KASH5: variants seen among roughly 807,000 people sequenced by gnomAD.
KASH5 encodes protein KASH5.
Under a neutral mutation model 84.2 loss-of-function variants are expected in KASH5, and 72 were observed. The ratio of observed to expected loss-of-function variants is 0.85; its 90% CI spans 0.71 to 1.04. The LOEUF (loss-of-function observed/expected upper bound fraction) is 1.04, where lower values mean the gene tolerates loss of function less well. Ranked by LOEUF, KASH5 falls within the 50% of genes least tolerant of loss-of-function variation. The pLI is 0.00. For missense variants in KASH5, 650 were observed against 701.0 expected (o/e 0.93, Z 0.82); for synonymous variants, 260 against 279.1 (o/e 0.93, Z 0.68).
chr19:49,392,926 CAGTG>C (rs1199806099), intron 2 of KASH5, among the ~76,000 whole-genome samples: 2 of 147,762 alleles, frequency 1.4e-5, no homozygotes, highest in Non-Finnish European at 3.0e-5. Flanking sequence ...AAAAAAAAAA[CAGTG>C]AGAGGAGGAA....
intron 17 of KASH5, 86 bp downstream of exon 17, chr19:49,415,082 G>T: frequency 7.8e-7 from 1 of 1,282,094 alleles, no homozygotes; most frequent in East Asian, 2.5e-5. Context: ...CCAAGCCCCA[G>T]CCTCACACTC....
intron 9 of KASH5, among the ~76,000 whole-genome samples, chr19:49,400,321 ACTTCTC>A (rs1202447634): frequency 6.9e-6 from 1 of 144,732 alleles, no homozygotes; most frequent in African/African-American, 2.5e-5. Context: ...TAAGCATGTG[ACTTCTC>A]CTTCTCAAGC....
At position 49,417,187 on chromosome 19, in the gene KASH5, C is replaced by T. The variant is rs371162670; in HGVS notation, c.1468C>T (p.Leu490=). 1.2e-6 allele frequency: 2 copies of T among 1,613,902 alleles called. No homozygotes were observed. The highest frequency in any genetic ancestry group is 1.7e-6 in the Non-Finnish European group (2 of 1,179,854). ...TGCGCGGCGGGAACTCCAGCAAGCC[C>T]TGGTGCCTGTGATGAAAAAGCTGGT... The part of the protein sequence containing the change: ...RPARRELQQA[L]VPVMKKLVPV... The change falls in exon 19 of 20, where the codon CTG becomes TTG. Residue 490 remains leucine (L), a synonymous_variant. Coordinates refer to ENST00000447857, the MANE Select transcript of KASH5 (RefSeq NM_144688.5). The surrounding 1 kb of genome is among the most constrained non-coding windows in gnomAD (Gnocchi z 5.2).
chr19:49,392,827 G>A (rs1483171716), intron 2 of KASH5, among the ~76,000 whole-genome samples: 1 of 151,914 alleles, frequency 6.6e-6, no homozygotes, highest in African/African-American at 2.4e-5. Context: ...CAGGAGAATT[G>A]CTTGAACCTT....
chr19:49,394,624 T>TGG (rs1195833345), intron 3 of KASH5, 44 bp downstream of exon 3: 2 of 1,475,644 alleles, frequency 1.4e-6, no homozygotes, highest in South Asian at 2.3e-5. Flanking sequence ...GCGGGCAGGA[T>TGG]GGGGTGGAGG....
rs575872338 is a variant in KASH5 at position 49,403,649 on chromosome 19, A to G, written c.799-3237A>G. Among the ~76,000 whole-genome samples the G allele has an allele frequency of 5.9e-5, 9 of 152,310 alleles. No individual in the cohort carries two copies. In the South Asian group the frequency reaches 1.9e-3, roughly 32 times the overall value. ...AAGATTTCCACCTTGACTCACTCCC[A>G]TGGCTGGGGCTGGGACCCATCTGCC... On this transcript the variant is annotated intron_variant, in intron 9 of 19. Coordinates refer to ENST00000447857, the MANE Select transcript of KASH5 (RefSeq NM_144688.5).
chr19:49,394,785 C>T (rs1600899167), intron 3 of KASH5: 1 of 587,682 alleles, frequency 1.7e-6, no homozygotes, highest in Admixed American at 3.0e-5. Flanking sequence ...ACTTGGGGGA[C>T]GTTGATGGAA....
intron 5 of KASH5, among the ~76,000 whole-genome samples, 191 bp from the exon 6 acceptor site, chr19:49,397,460 C>T (rs966969681): frequency 6.6e-6 from 1 of 152,096 alleles, no homozygotes; most frequent in Non-Finnish European, 1.5e-5. Flanking sequence ...CTGGGAGATC[C>T]AGCCTGAGCT....
intron 11 of KASH5, 42 bp from the exon 12 acceptor site, chr19:49,407,570 G>T: frequency 6.5e-7 from 1 of 1,544,860 alleles, no homozygotes; most frequent in Non-Finnish European, 8.8e-7. Context: ...CAGTGTCTTT[G>T]GGGAACTGGT....
chr19:49,416,943 T>C lies in KASH5; in HGVS notation c.1375-72T>C. On this transcript the variant is annotated intron_variant, in intron 17 of 19. Transcript: ENST00000447857. The surrounding 1 kb of genome is among the most constrained non-coding windows in gnomAD (Gnocchi z 5.4). The stretch of plus-strand genomic sequence containing the variant: ...ACCACTTTCTATGTGGCCACTTGTG[T>C]CCAGTGGGCTGACCTGAGCACCTCT... 1.4e-6 allele frequency: 2 copies of C among 1,432,590 alleles called. No individual in the cohort carries two copies. The highest frequency in any genetic ancestry group is 4.9e-5 in the East Asian group (2 of 40,416). 88.7% of individuals were successfully genotyped at this position (1,432,590 alleles called of 1,614,324 possible).
chr19:49,404,139 C>T (rs1400769412), intron 9 of KASH5, among the ~76,000 whole-genome samples: 1 of 152,194 alleles, frequency 6.6e-6, no homozygotes, highest in Non-Finnish European at 1.5e-5. Context: ...CTGCCCTTCA[C>T]CTGGCAGCCC....
intron 15 of KASH5, among the ~76,000 whole-genome samples, chr19:49,411,910 GGGAAGGAGGGAA>G (rs1233105214): frequency 5.5e-5 from 7 of 127,836 alleles, no homozygotes; most frequent in East Asian, 2.2e-4. Flanking sequence ...GAGGGAGGGA[GGGAAGGAGGGAA>G]GGAAGGAAGG....
chr19:49,391,724 C>G (rs1974011123), intron 2 of KASH5: 1 of 152,150 alleles, frequency 6.6e-6, no homozygotes, highest in Admixed American at 6.5e-5. Context: ...GGCTGGGACC[C>G]CAGAGCAACT....
rs753813293 is a variant in KASH5 at position 49,412,911 on chromosome 19, G to A, written c.1270-57G>A. On this transcript the variant is annotated intron_variant, in intron 15 of 19. Transcript: ENST00000447857. This position sits in a 1 kb window ranked among gnomAD's most constrained non-coding sequence, Gnocchi z 4.6. ...GCGGGGGAGACAGTGGGCACTGTTA[G>A]GGTTGGAGCTTTGAGTGAGAAGAAT... 6.3e-6 allele frequency: 10 copies of A among 1,578,456 alleles called. No homozygotes were observed. Among genetic ancestry groups the A allele is most frequent in the Non-Finnish European group, 8.7e-6 (10 of 1,151,490 alleles).
chr19:49,414,971 A>C lies in KASH5; in HGVS notation c.1349A>C (p.Glu450Ala). Reference sequence around the variant, plus strand: ...CTCAGGTTGACCAGAAGAGAGGAAGAGGAGGATGCAGAGAGCCAGGTCACG... The same window carrying C: ...CTCAGGTTGACCAGAAGAGAGGAAGCGGAGGATGCAGAGAGCCAGGTCACG... ...PSMWLTRREE[E>A]EDAESQVTAD... The change falls in exon 17 of 20, where the codon GAG (glutamate) becomes GCG (alanine). Residue 450 changes from glutamate (E) to alanine (A), a missense_variant. Glu to Ala is a moderately radical substitution (Grantham distance 107, BLOSUM62 -1). Transcript: ENST00000447857. This position sits in a 1 kb window ranked among gnomAD's most constrained non-coding sequence, Gnocchi z 4.5. 1 of 1,613,098 alleles carries C rather than the reference A, an allele frequency of 6.2e-7. No homozygotes were observed. The highest frequency in any genetic ancestry group is 8.5e-7 in the Non-Finnish European group (1 of 1,179,606).
At chr19:49,405,884 A>C (rs1156924463) in intron 9 of KASH5, among the ~76,000 whole-genome samples, 1 of 149,096 alleles carries the variant, frequency 6.7e-6, no homozygotes, top group Admixed American at 6.8e-5. Flanking sequence ...TGAACCCGGG[A>C]GGCAGAGGTT....
intron 2 of KASH5, chr19:49,393,428 A>C (rs1344787558): frequency 6.6e-6 from 1 of 152,240 alleles, no homozygotes; most frequent in Admixed American, 6.5e-5. Context: ...AGGTGCCACC[A>C]CTTGTCTGAG....
intron 9 of KASH5, among the ~76,000 whole-genome samples, chr19:49,401,925 T>C (rs1261860729): frequency 1.3e-5 from 2 of 152,206 alleles, no homozygotes; most frequent in Non-Finnish European, 2.9e-5. Flanking sequence ...TGTGACAGTT[T>C]CTTTCAGAAC....
rs770780053 is a variant in KASH5 at position 49,398,064 on chromosome 19, C to T, written c.550C>T (p.Gln184Ter). 11 of 1,613,572 alleles carry T rather than the reference C, an allele frequency of 6.8e-6. 1 individual carries two copies. The highest frequency in any genetic ancestry group is 2.7e-5 in the African/African-American group (2 of 74,906). Residue 184 changes from glutamine (Q) to a stop codon, truncating the protein, a stop_gained, in exon 7 of 20, where the codon CAG (glutamine) becomes TAG (stop). Coordinates refer to ENST00000447857, the MANE Select transcript of KASH5 (RefSeq NM_144688.5). LOFTEE classifies it high-confidence loss of function. Reference protein sequence around the residue: ...RRLVGENAKLQRSMETAEEGS... With the variant: ...RRLVGENAKL ...TCTGGTTGGGGAGAATGCCAAATTG[C>T]AGCGGAGCATGGAGACAGCTGAGGA...
Sources: gnomAD v4.1 joint callset for allele counts (sites outside exome capture counted in the v4.1 genomes callset) on GRCh38, gnomAD v4.1.1 for gene constraint, Gnocchi (gnomAD v3.1) non-coding constraint, MANE v1.5 for transcripts, NCBI Gene and HGNC (gene_info 2026-07-23, HGNC 2026-07-21) for gene names.